PTPRG: variants seen among roughly 807,000 people sequenced by gnomAD.
PTPRG encodes the protein protein tyrosine phosphatase receptor type G.
A neutral mutation model predicts 165.3 loss-of-function variants in PTPRG; 102 were observed. The observed-to-expected ratio is 0.62, with a 90% CI of 0.53 to 0.73. The LOEUF (loss-of-function observed/expected upper bound fraction) is 0.73. Ranked by LOEUF, PTPRG falls within the 30% of genes least tolerant of loss-of-function variation. The probability of loss-of-function intolerance (pLI) is 0.00; values close to 1 mark genes in which losing one functional copy is unlikely to be tolerated. For missense variants in PTPRG, 1,866 were observed against 1,861.4 expected, an observed-to-expected ratio of 1.00 and a Z score of -0.05; for synonymous variants, 675 against 669.5, an observed-to-expected ratio of 1.01 and a Z score of -0.13.
chr3:61,639,390 G>T (rs1343351602), intron 1 of PTPRG, among the ~76,000 whole-genome samples: 1 of 152,066 alleles, frequency 6.6e-6, no homozygotes. Flanking sequence ...TGGCTATTCG[G>T]GATCTTTTTT....
chr3:61,909,140 G>A (rs1339887005), intron 2 of PTPRG, among the ~76,000 whole-genome samples: 1 of 152,098 alleles, frequency 6.6e-6, no homozygotes, highest in Non-Finnish European at 1.5e-5. Flanking sequence ...AAGCACATTG[G>A]AGCCCACGTG....
intron 3 of PTPRG, among the ~76,000 whole-genome samples, chr3:61,995,126 T>G (rs1408870161): frequency 6.9e-6 from 1 of 144,044 alleles, no homozygotes; most frequent in Non-Finnish European, 1.5e-5. Flanking sequence ...TCTTGCTATG[T>G]TGCCCAGGCT....
At chr3:61,591,251 C>G (rs140814421) in intron 1 of PTPRG, among the ~76,000 whole-genome samples, 1 of 152,194 alleles carries the variant, frequency 6.6e-6, no homozygotes, top group African/African-American at 2.4e-5. Context: ...ATAATAGAAA[C>G]GAGGGTCTTG....
At chr3:61,674,985 T>A (rs2107090165) in intron 1 of PTPRG, among the ~76,000 whole-genome samples, 1 of 152,306 alleles carries the variant, frequency 6.6e-6, no homozygotes, top group Admixed American at 6.5e-5. Flanking sequence ...TAAAATAAAT[T>A]AGAACAGGAG....
At chr3:61,564,227 TGA>T (rs1226473161) in intron 1 of PTPRG, among the ~76,000 whole-genome samples, 1 of 152,244 alleles carries the variant, frequency 6.6e-6, no homozygotes, top group East Asian at 1.9e-4. Context: ...ACTTGACGAC[TGA>T]GCGGGCTCAG....
chr3:61,765,524 C>T (rs2033990824), intron 2 of PTPRG, among the ~76,000 whole-genome samples: 1 of 152,168 alleles, frequency 6.6e-6, no homozygotes. Context: ...CAAGCCCCTA[C>T]AGCACCCTGA....
intron 2 of PTPRG, among the ~76,000 whole-genome samples, chr3:61,815,453 T>C (rs2035730760): frequency 6.6e-6 from 1 of 152,168 alleles, no homozygotes; most frequent in Admixed American, 6.6e-5. Context: ...TTCATTTTAC[T>C]GTCTTGATTG....
intron 1 of PTPRG, chr3:61,743,246 C>G (rs975215867): frequency 6.1e-6 from 4 of 659,624 alleles, no homozygotes; most frequent in Non-Finnish European, 1.1e-5. Flanking sequence ...GATGAAAATA[C>G]CTGTCACTCA....
chr3:61,699,043 A>C (rs1422371248), intron 1 of PTPRG, among the ~76,000 whole-genome samples: 2 of 151,996 alleles, frequency 1.3e-5, no homozygotes, highest in African/African-American at 4.8e-5. Context: ...GCGGGGAGGG[A>C]TAGCATTAGG....
At chr3:61,998,586 C>T (rs187766194) in intron 3 of PTPRG, among the ~76,000 whole-genome samples, 554 of 152,294 alleles carry the variant, frequency 3.6e-3, no homozygotes, top group Middle Eastern at 0.01. Context: ...GAGTCCAGCT[C>T]CTAAGCTTCA....
intron 4 of PTPRG, among the ~76,000 whole-genome samples, chr3:62,031,156 C>G (rs1242794567): frequency 1.3e-5 from 2 of 152,124 alleles, no homozygotes; most frequent in African/African-American, 2.4e-5. Flanking sequence ...TAACTGTATA[C>G]CAGCTTATGT....
At chr3:62,022,674 C>T (rs1379399194) in intron 4 of PTPRG, among the ~76,000 whole-genome samples, 2 of 152,064 alleles carry the variant, frequency 1.3e-5, no homozygotes, top group Admixed American at 6.6e-5. Context: ...AGATTGATAG[C>T]GTCTTGGGTG....
At chr3:61,950,412 C>G (rs1273439037) in intron 2 of PTPRG, among the ~76,000 whole-genome samples, 7 of 152,030 alleles carry the variant, frequency 4.6e-5, no homozygotes, top group African/African-American at 1.7e-4. Flanking sequence ...GTTTTTTGCC[C>G]CCATGATTTT....
At chr3:62,034,759 A>C (rs1699889154) in intron 4 of PTPRG, among the ~76,000 whole-genome samples, 1 of 152,218 alleles carries the variant, frequency 6.6e-6, no homozygotes, top group Admixed American at 6.5e-5. Flanking sequence ...ATGAATGATT[A>C]AAAAATAAAT....
Position 61,748,909 on chromosome 3 carries a change from C to G in PTPRG, c.117C>G (p.His39Gln), listed in dbSNP as rs753540838. Residue 39 changes from histidine (H) to glutamine (Q), a missense_variant, in exon 2 of 30, where the codon CAC (histidine) becomes CAG (glutamine). Around this residue, in one of 3 missense-constraint regions of PTPRG, gnomAD observed 408 missense variants for 376.2 expected, o/e 1.08. Transcript: ENST00000474889. ...ALTEGYVGAL[H>Q]ENRHGSAVQI... ...CAGAAGGCTACGTTGGGGCCCTGCA[C>G]GAGAATAGACACGGCAGCGCAGTGC... The G allele has an allele frequency of 6.2e-7, 1 of 1,613,484 alleles. No homozygotes were observed. The highest frequency in any genetic ancestry group is 1.1e-5 in the South Asian group (1 of 91,020).
chr3:61,823,435 C>T (rs1014606322), intron 2 of PTPRG, among the ~76,000 whole-genome samples: 1 of 152,170 alleles, frequency 6.6e-6, no homozygotes, highest in Non-Finnish European at 1.5e-5. Context: ...TGATCCACCG[C>T]CTCGGCCTCC....
chr3:62,074,352 C>CTTTCTTTTTTTTTTTTTTTTTTTTT (rs1701310935), intron 4 of PTPRG, among the ~76,000 whole-genome samples: 1 of 109,114 alleles, frequency 9.2e-6, no homozygotes, highest in African/African-American at 3.8e-5. Context: ...TCTTTTCTTT[C>CTTTCTTTTTTTTTTTTTTTTTTTTT]TTTTTTTTTT....
At chr3:62,212,232 C>T (rs1488747362) in intron 12 of PTPRG, among the ~76,000 whole-genome samples, 3 of 152,238 alleles carry the variant, frequency 2.0e-5, no homozygotes, top group South Asian at 2.1e-4. Flanking sequence ...TAGCTGTTCA[C>T]CTGCACATTA....
chr3:61,963,889 T>C (rs2040211459), intron 2 of PTPRG, among the ~76,000 whole-genome samples: 1 of 152,054 alleles, frequency 6.6e-6, no homozygotes, highest in Non-Finnish European at 1.5e-5. Flanking sequence ...AAAAAAGACC[T>C]CAGAAGGCAA....
Sources: allele counts gnomAD v4.1 joint callset (sites outside exome capture counted in the v4.1 genomes callset), GRCh38; gene constraint gnomAD v4.1.1; regional missense constraint gnomAD v4.1.1; transcripts MANE v1.5; gene names NCBI Gene and HGNC (gene_info 2026-07-23, HGNC 2026-07-21).